DGKB: variants seen among roughly 807,000 people sequenced by gnomAD.
The protein encoded by DGKB is 90 kDa diacylglycerol kinase.
DGKB carries 67 observed loss-of-function variants against 114.3 expected under a neutral mutation model. That is an observed-to-expected ratio of 0.59 (90% CI 0.48 to 0.72). The LOEUF (loss-of-function observed/expected upper bound fraction) is 0.72, where lower values mean the gene tolerates loss of function less well. DGKB is among the 30% of genes least tolerant of loss of function. DGKB has a pLI of 0.00. For synonymous variants in DGKB, 398 were observed against 323.1 expected, an observed-to-expected ratio of 1.23 and a Z score of -2.49; for missense variants, 907 against 975.2, an observed-to-expected ratio of 0.93 and a Z score of 0.93.
intron 23 of DGKB, among the ~76,000 whole-genome samples, chr7:14,188,156 G>A (rs866542141): frequency 1.3e-5 from 2 of 152,126 alleles, no homozygotes; most frequent in South Asian, 2.1e-4. Flanking sequence ...CCAGCCAGAG[G>A]AGGGGAAAAG....
At position 14,518,622 on chromosome 7, in the gene DGKB, T is replaced by G. The variant is rs369508109; in HGVS notation, c.1771-40397A>C. On this transcript the variant is annotated intron_variant, in intron 20 of 25. Coordinates refer to ENST00000402815, the MANE Select transcript of DGKB (RefSeq NM_001350709.2). ...AAATAAGTTTTTGGCTTCTGAGGAC[T>G]CAGGAGATAAGAGTTGTTCCCCAGA... Among the ~76,000 whole-genome samples, 36 of 152,206 alleles carry G rather than the reference T, an allele frequency of 2.4e-4. No individual in the cohort carries two copies. In the East Asian group the frequency reaches 5.6e-3, roughly 24 times the overall value.
rs1554297211 is a variant in DGKB at position 14,231,129 on chromosome 7, T to TTCTTTC, written c.2123-52984_2123-52979dup. 4.2e-4 allele frequency among the ~76,000 whole-genome samples: 59 copies of TTCTTTC among 140,430 alleles called. 1 individual carries two copies. The highest frequency in any genetic ancestry group is 1.5e-3 in the African/African-American group (57 of 38,346). The allele number at this position is 140,430 out of a possible 152,430, so 92.1% of individuals were successfully genotyped here. On this transcript the variant is annotated intron_variant, in intron 23 of 25. Transcript: ENST00000402815. ...TTTCTTTCTTTCTTTCTTTCTTTCT[T>TTCTTTC]TCTTTCTTTCTTTCTTTTTCTTTCT... is the stretch of plus-strand genomic sequence containing the variant.
chr7:14,583,432 T>C (rs1362746603), intron 17 of DGKB, among the ~76,000 whole-genome samples: 6 of 152,172 alleles, frequency 3.9e-5, no homozygotes, highest in African/African-American at 9.6e-5. Flanking sequence ...ATAATTTTCA[T>C]TGATATTCTC....
At chr7:14,707,411 C>T (rs1230033033) in intron 6 of DGKB, among the ~76,000 whole-genome samples, 7 of 144,522 alleles carry the variant, frequency 4.8e-5, no homozygotes, top group Non-Finnish European at 1.1e-4. Context: ...GGTACCATTC[C>T]TTCTGAAACT....
At chr7:14,398,282 C>G in intron 21 of DGKB, among the ~76,000 whole-genome samples, 1 of 151,982 alleles carries the variant, frequency 6.6e-6, no homozygotes, top group East Asian at 1.9e-4. Context: ...AAATGGTCTT[C>G]TATGTTTCCT....
intron 23 of DGKB, chr7:14,209,441 A>AACTAC: frequency 4.2e-6 from 2 of 472,134 alleles, no homozygotes; most frequent in Non-Finnish European, 8.8e-6. Flanking sequence ...GTAGGACAGC[A>AACTAC]ACTACACAAG....
chr7:14,358,232 T>A (rs1337701304), intron 21 of DGKB, among the ~76,000 whole-genome samples: 1 of 152,210 alleles, frequency 6.6e-6, no homozygotes, highest in East Asian at 1.9e-4. Flanking sequence ...GGTACACCAG[T>A]CAAATGTAGA....
At chr7:14,537,077 A>G (rs193107203) in intron 20 of DGKB, among the ~76,000 whole-genome samples, 264 of 152,230 alleles carry the variant, frequency 1.7e-3, no homozygotes, top group Non-Finnish European at 3.2e-3. Flanking sequence ...AATATCACCA[A>G]AAAGAAAAAT....
Position 14,439,764 on chromosome 7 carries a change from T to A in DGKB, c.1835+38397A>T, listed in dbSNP as rs368034847. On this transcript the variant is annotated intron_variant, in intron 21 of 25. Transcript: ENST00000402815. Reference sequence around the variant, plus strand: ...CTGTAATCCCAGCTACTTGGGAAGCTGAGGCAGGAGAATTGCTTGAGCCTG... The same window carrying A: ...CTGTAATCCCAGCTACTTGGGAAGCAGAGGCAGGAGAATTGCTTGAGCCTG... 6.8e-4 allele frequency among the ~76,000 whole-genome samples: 102 copies of A among 149,738 alleles called. No homozygotes were observed. In the East Asian group the frequency reaches 9.1e-3, roughly 13 times the overall value.
intron 23 of DGKB, 26 bp from the exon 24 acceptor site, chr7:14,178,177 G>A (rs1463596806): frequency 1.2e-6 from 2 of 1,612,038 alleles, no homozygotes; most frequent in African/African-American, 1.3e-5. Context: ...TGCCTTTTAA[G>A]TTGCAATGTG....
chr7:14,423,317 G>T (rs1195725045), intron 21 of DGKB, among the ~76,000 whole-genome samples: 1 of 151,870 alleles, frequency 6.6e-6, no homozygotes, highest in Non-Finnish European at 1.5e-5. Flanking sequence ...TTAAAAAATG[G>T]CTCTTCTTTA....
Position 14,369,990 on chromosome 7 carries a change from C to T in DGKB, c.1836-24599G>A, listed in dbSNP as rs201749938. Among the ~76,000 whole-genome samples the T allele has an allele frequency of 7.9e-5, 12 of 152,234 alleles. No individual in the cohort carries two copies. The East Asian group carries it at 2.1e-3, about 27-fold the overall frequency. On this transcript the variant is annotated intron_variant, in intron 21 of 25. Coordinates refer to ENST00000402815, the MANE Select transcript of DGKB (RefSeq NM_001350709.2). Reference sequence around the variant, plus strand: ...TCAATTTTGGCTTCTGTTGCCATTGCTTTTGGTGTTTTAGTCGTGAAGGCT... The same window carrying T: ...TCAATTTTGGCTTCTGTTGCCATTGTTTTTGGTGTTTTAGTCGTGAAGGCT...
chr7:14,386,163 C>T (rs560408153), intron 21 of DGKB, among the ~76,000 whole-genome samples: 10 of 152,252 alleles, frequency 6.6e-5, no homozygotes, highest in African/African-American at 7.2e-5. Flanking sequence ...TAGTGCTGTA[C>T]GCCTGAAAGC....
chr7:14,840,669 T>C lies in DGKB; in HGVS notation c.70+525A>G, dbSNP rs900095510. On this transcript the variant is annotated intron_variant, in intron 2 of 25. Coordinates refer to ENST00000402815, the MANE Select transcript of DGKB (RefSeq NM_001350709.2). ...CCTCTGATTCTAATTCCATAATGTATCTATGACTCCCTGCTTCCTACTCTC... is the reference window on the plus strand; with the variant it reads ...CCTCTGATTCTAATTCCATAATGTACCTATGACTCCCTGCTTCCTACTCTC... 2.6e-5 allele frequency among the ~76,000 whole-genome samples: 4 copies of C among 151,214 alleles called. No individual in the cohort carries two copies. The South Asian group carries it at 8.4e-4, about 32-fold the overall frequency.
At chr7:14,534,094 TCAC>T (rs1317675905) in intron 20 of DGKB, among the ~76,000 whole-genome samples, 1 of 152,028 alleles carries the variant, frequency 6.6e-6, no homozygotes, top group East Asian at 1.9e-4. Flanking sequence ...CTTATAACTA[TCAC>T]CACAAATTTT....
At chr7:14,925,801 T>A (rs1404765970) in intron 1 of DGKB, among the ~76,000 whole-genome samples, 1 of 152,162 alleles carries the variant, frequency 6.6e-6, no homozygotes, top group African/African-American at 2.4e-5. Context: ...TTGGTTTAGT[T>A]TTTCAGTTTC....
At chr7:14,619,230 C>A (rs1807152752) in intron 15 of DGKB, among the ~76,000 whole-genome samples, 1 of 151,208 alleles carries the variant, frequency 6.6e-6, no homozygotes, top group Non-Finnish European at 1.5e-5. Context: ...TTGTCCCACT[C>A]ACAATTTTAG....
chr7:14,277,710 G>C (rs1200811660), intron 23 of DGKB, among the ~76,000 whole-genome samples: 1 of 152,178 alleles, frequency 6.6e-6, no homozygotes, highest in Non-Finnish European at 1.5e-5. Context: ...TGTGTATAGT[G>C]CTACAATGAA....
chr7:14,645,673 T>G (rs377594934), intron 13 of DGKB, among the ~76,000 whole-genome samples: 20 of 151,264 alleles, frequency 1.3e-4, no homozygotes, highest in African/African-American at 4.6e-4. Context: ...CAGAAGAGCA[T>G]GAGATGATAT....
Sources: gnomAD v4.1 joint callset for allele counts (sites outside exome capture counted in the v4.1 genomes callset) on GRCh38, gnomAD v4.1.1 for gene constraint, MANE v1.5 for transcripts, NCBI Gene and HGNC (gene_info 2026-07-23, HGNC 2026-07-21) for gene names.